The following ZC3HAV1 variants were observed in gnomAD, a reference collection of about 807,000 sequenced individuals.
ZC3HAV1 encodes zinc finger CCCH-type antiviral protein 1.
Under a neutral mutation model 86.6 loss-of-function variants are expected in ZC3HAV1, and 41 were observed. That is an observed-to-expected ratio of 0.47 (90% CI 0.37 to 0.61). The LOEUF (loss-of-function observed/expected upper bound fraction) is 0.61, where lower values mean the gene tolerates loss of function less well. ZC3HAV1 is among the 20% of genes least tolerant of loss of function. The pLI, the probability that ZC3HAV1 is intolerant of heterozygous loss-of-function variation, is 0.00. For missense variants in ZC3HAV1, 964 were observed against 1,141.1 expected, an observed-to-expected ratio of 0.84 and a Z score of 2.24; for synonymous variants, 421 against 432.1, an observed-to-expected ratio of 0.97 and a Z score of 0.32.
rs1242883059 is a variant in ZC3HAV1 at position 139,044,851 on chromosome 7, C to A, written c.*2743G>T. ...AACTGTACATTTTCTTGCATAGTATCTTTATTTCAATAAAGGTTATTTCGT... is the reference window on the plus strand; with the variant it reads ...AACTGTACATTTTCTTGCATAGTATATTTATTTCAATAAAGGTTATTTCGT... On this transcript the variant is annotated 3_prime_UTR_variant, in exon 13 of 13. Transcript: ENST00000242351. The A allele has an allele frequency of 6.6e-6, 1 of 152,476 alleles. No individual in the cohort carries two copies. Among genetic ancestry groups the A allele is most frequent in the Non-Finnish European group, 1.5e-5 (1 of 68,030 alleles). 9.4% of individuals were successfully genotyped at this position (152,476 alleles called of 1,614,324 possible).
chr7:139,076,659 A>T (rs540727096), intron 5 of ZC3HAV1, among the ~76,000 whole-genome samples: 1 of 152,292 alleles, frequency 6.6e-6, no homozygotes, highest in South Asian at 2.1e-4. Context: ...TGGGAGGCCG[A>T]AACAGGCGGA....
chr7:139,105,032 C>CAAAAAAA (rs34053904), intron 1 of ZC3HAV1, among the ~76,000 whole-genome samples: 2 of 72,800 alleles, frequency 2.7e-5, no homozygotes, highest in African/African-American at 5.3e-5. Context: ...GACTCTGTCT[C>CAAAAAAA]AAAAAAAAAA....
At chr7:139,054,874 G>A (rs1417507391) in intron 10 of ZC3HAV1, among the ~76,000 whole-genome samples, 4 of 152,088 alleles carry the variant, frequency 2.6e-5, no homozygotes, top group Non-Finnish European at 4.4e-5. Flanking sequence ...TGCAACCTCC[G>A]CCTCCCGGGT....
At chr7:139,077,502 C>T (rs1816987468) in intron 5 of ZC3HAV1, among the ~76,000 whole-genome samples, 1 of 152,172 alleles carries the variant, frequency 6.6e-6, no homozygotes. Flanking sequence ...CCTCAGCCTC[C>T]CAAAGTTCTG....
At chr7:139,075,660 G>A (rs1288638296) in intron 6 of ZC3HAV1, among the ~76,000 whole-genome samples, 4 of 151,996 alleles carry the variant, frequency 2.6e-5, no homozygotes, top group Non-Finnish European at 5.9e-5. Context: ...GGCTGATCTC[G>A]AACTCCTGAG....
chr7:139,088,737 T>A (rs1817347044), intron 2 of ZC3HAV1, among the ~76,000 whole-genome samples: 1 of 152,226 alleles, frequency 6.6e-6, no homozygotes, highest in South Asian at 2.1e-4. Context: ...CTGCTGCAAC[T>A]ACTCAACTCA....
At chr7:139,055,090 G>T in intron 10 of ZC3HAV1, 115 bp downstream of exon 10, 1 of 923,958 alleles carries the variant, frequency 1.1e-6, no homozygotes, top group African/African-American at 1.6e-5. Context: ...GCACCCAGCC[G>T]ATCTAAGAGT....
At chr7:139,071,150 G>A (rs562280200) in intron 7 of ZC3HAV1, among the ~76,000 whole-genome samples, 12 of 147,452 alleles carry the variant, frequency 8.1e-5, no homozygotes, top group African/African-American at 2.8e-4. Context: ...AGGCTGGAGC[G>A]TAGTGGCACA....
At chr7:139,096,911 T>A (rs1817604577) in intron 1 of ZC3HAV1, among the ~76,000 whole-genome samples, 1 of 152,240 alleles carries the variant, frequency 6.6e-6, no homozygotes, top group South Asian at 2.1e-4. Flanking sequence ...GGAGGGTGGA[T>A]AGCTTGAGCT....
intron 1 of ZC3HAV1, among the ~76,000 whole-genome samples, chr7:139,092,521 T>C (rs1817466170): frequency 6.6e-6 from 1 of 152,246 alleles, no homozygotes; most frequent in African/African-American, 2.4e-5. Flanking sequence ...ACGGCACCTC[T>C]GCAGGTCACA....
intron 1 of ZC3HAV1, among the ~76,000 whole-genome samples, chr7:139,100,548 A>G (rs1817720984): frequency 6.6e-6 from 1 of 151,896 alleles, no homozygotes; most frequent in Non-Finnish European, 1.5e-5. Flanking sequence ...AAAAACAAAA[A>G]CAAAAACAAA....
chr7:139,095,068 G>A (rs192963478), intron 1 of ZC3HAV1, among the ~76,000 whole-genome samples: 9 of 151,524 alleles, frequency 5.9e-5, no homozygotes, highest in African/African-American at 2.2e-4. Context: ...ACCTAATAGG[G>A]TTGGCAAAAA....
At position 139,109,126 on chromosome 7, in the gene ZC3HAV1, C is replaced by T. The variant is rs147408079; in HGVS notation, c.206G>A (p.Arg69Gln). ...GTACTTGCGACGGCAGACCCGGGCTCGAGTGGTGGCCACCACCGATCGGGT... is the reference window on the plus strand; with the variant it reads ...GTACTTGCGACGGCAGACCCGGGCTTGAGTGGTGGCCACCACCGATCGGGT... Reference protein sequence around the residue: ...GITRSVVATTRARVCRRKYCQ... With the variant: ...GITRSVVATTQARVCRRKYCQ... The change falls in exon 1 of 13, where the codon CGA becomes CAA. Residue 69 changes from arginine (R) to glutamine (Q), a missense_variant. By Grantham distance (43) the Arg-to-Gln change is conservative (BLOSUM62 1). Transcript: ENST00000242351. The T allele has an allele frequency of 1.1e-5, 18 of 1,591,106 alleles. No individual in the cohort carries two copies. The highest frequency in any genetic ancestry group is 8.9e-5 in the Admixed American group (5 of 56,252).
rs1278585081 is a variant in ZC3HAV1, at chr7:139,097,424, A to ATTT, written c.309-7666_309-7665insAAA. Reference sequence around the variant, plus strand: ...TCCATATATATATATATATATATATATATATTTTTTTTTTTTTTTTTTTTC... The same window carrying ATTT: ...TCCATATATATATATATATATATATATTTTATATTTTTTTTTTTTTTTTTTTTC... On this transcript the variant is annotated intron_variant, in intron 1 of 12. Coordinates refer to ENST00000242351, the MANE Select transcript of ZC3HAV1 (RefSeq NM_020119.4). Among the ~76,000 whole-genome samples, 191 of 81,164 alleles carry ATTT rather than the reference A, an allele frequency of 2.4e-3. 1 individual carries two copies. The highest frequency in any genetic ancestry group is 0.013 in the African/African-American group (186 of 14,042). The allele number at this position is 81,164 out of a possible 152,430, so 53.2% of individuals were successfully genotyped here. A position where few individuals can be genotyped will look rare whatever the true frequency, so the allele number is the denominator to read the frequency against.
chr7:139,095,102 G>A (rs1817545944), intron 1 of ZC3HAV1, among the ~76,000 whole-genome samples: 1 of 150,798 alleles, frequency 6.6e-6, no homozygotes, highest in African/African-American at 2.4e-5. Flanking sequence ...GATTTGTATA[G>A]AAAACAGGAA....
At chr7:139,060,288 G>A (rs1259605914) in intron 9 of ZC3HAV1, 2 of 985,118 alleles carry the variant, frequency 2.0e-6, no homozygotes, top group Non-Finnish European at 1.2e-6. Flanking sequence ...CTTGAAGCCT[G>A]TTTTATGTAA....
chr7:139,107,572 A>G (rs2130745557), intron 1 of ZC3HAV1, among the ~76,000 whole-genome samples: 1 of 152,118 alleles, frequency 6.6e-6, no homozygotes, highest in East Asian at 1.9e-4. Flanking sequence ...GGAGGCTGAG[A>G]CAAGTGGATC....
chr7:139,094,980 CTT>C (rs367844812), intron 1 of ZC3HAV1, among the ~76,000 whole-genome samples: 52 of 136,086 alleles, frequency 3.8e-4, no homozygotes, highest in Middle Eastern at 3.7e-3. Context: ...TAACCCGAGT[CTT>C]TTTTTTTTTT....
intron 12 of ZC3HAV1, among the ~76,000 whole-genome samples, chr7:139,048,421 C>T (rs1374416999): frequency 1.3e-5 from 2 of 151,992 alleles, no homozygotes; most frequent in Non-Finnish European, 2.9e-5. Flanking sequence ...GCCTGGGCAA[C>T]ATGGGGAGAC....
Sources: gnomAD v4.1 joint callset for allele counts (sites outside exome capture counted in the v4.1 genomes callset) on GRCh38, gnomAD v4.1.1 for gene constraint, MANE v1.5 for transcripts, NCBI Gene and HGNC (gene_info 2026-07-23, HGNC 2026-07-21) for gene names.